The following PCDH15 variants were observed in gnomAD, a reference collection of about 807,000 sequenced individuals.
PCDH15 encodes protocadherin related 15, also known as protocadherin-15.
A neutral mutation model predicts 178.5 loss-of-function variants in PCDH15; 129 were observed. The ratio of observed to expected loss-of-function variants is 0.72; its 90% CI spans 0.63 to 0.84. The LOEUF is 0.84. Ranked by LOEUF, PCDH15 falls within the 40% of genes least tolerant of loss-of-function variation. The pLI is 0.00. For synonymous variants in PCDH15, 800 were observed against 732.0 expected (o/e 1.09, Z -1.50); for missense variants, 2,230 against 2,099.9 (o/e 1.06, Z -1.21).
At chr10:53,873,888 G>A (rs554946050) in intron 26 of PCDH15, among the ~76,000 whole-genome samples, 46 of 152,184 alleles carry the variant, frequency 3.0e-4, no homozygotes, top group African/African-American at 1.1e-3. Context: ...CCTTTGTTCC[G>A]TTTTGCCATG....
At chr10:55,289,363 G>C (rs1842952627) in intron 1 of PCDH15, among the ~76,000 whole-genome samples, 1 of 150,950 alleles carries the variant, frequency 6.6e-6, no homozygotes, top group Non-Finnish European at 1.5e-5. Flanking sequence ...AAGAAGGCAG[G>C]AAGGGAAAAA....
In PCDH15 at chr10:54,171,530, G is replaced by A. The variant is rs577968532; in HGVS notation, c.1590+11914C>T. Among the ~76,000 whole-genome samples, 393 of 142,108 alleles carry A rather than the reference G, an allele frequency of 2.8e-3. 2 individuals carry two copies. The highest frequency in any genetic ancestry group is 0.011 in the Middle Eastern group (3 of 278). 93.2% of individuals were successfully genotyped at this position (142,108 alleles called of 152,430 possible). The stretch of plus-strand genomic sequence containing the variant: ...CTGTCTAGTCATACTCCTATTCACC[G>A]TTCTCAACTACTCGTACATGCCCTG... On this transcript the variant is annotated intron_variant, in intron 13 of 37. Coordinates refer to ENST00000644397, the MANE Select transcript of PCDH15 (RefSeq NM_001384140.1).
intron 1 of PCDH15, among the ~76,000 whole-genome samples, chr10:54,767,911 A>T (rs886931891): frequency 6.6e-6 from 1 of 152,170 alleles, no homozygotes; most frequent in Non-Finnish European, 1.5e-5. Context: ...AGAAGACATT[A>T]CATAAAAACT....
intron 2 of PCDH15, among the ~76,000 whole-genome samples, chr10:55,098,002 A>G (rs1842485682): frequency 6.6e-6 from 1 of 152,150 alleles, no homozygotes; most frequent in Admixed American, 6.6e-5. Context: ...CCAAAAAAGA[A>G]AAGAGGCATT....
At chr10:54,066,472 T>G (rs2094139088) in intron 18 of PCDH15, among the ~76,000 whole-genome samples, 1 of 152,176 alleles carries the variant, frequency 6.6e-6, no homozygotes, top group Non-Finnish European at 1.5e-5. Flanking sequence ...TAATTACATG[T>G]TTCTGTAAAA....
At chr10:55,087,112 A>C (rs1336380948) in intron 2 of PCDH15, among the ~76,000 whole-genome samples, 3 of 152,148 alleles carry the variant, frequency 2.0e-5, no homozygotes, top group African/African-American at 7.2e-5. Flanking sequence ...AAATTACTTG[A>C]GTGCTAATCT....
chr10:54,995,391 CAAAAAA>C, intron 2 of PCDH15, among the ~76,000 whole-genome samples: 1 of 125,752 alleles, frequency 8.0e-6, no homozygotes, highest in Admixed American at 8.2e-5. Flanking sequence ...GACTCCGTCT[CAAAAAA>C]AAAAAAAAAG....
At chr10:54,755,867 T>C (rs1947008679) in intron 1 of PCDH15, among the ~76,000 whole-genome samples, 1 of 152,164 alleles carries the variant, frequency 6.6e-6, no homozygotes, top group Admixed American at 6.6e-5. Flanking sequence ...AAAGTTCTTA[T>C]TACAGTGCGT....
At chr10:54,156,802 A>G (rs2045199578) in intron 13 of PCDH15, among the ~76,000 whole-genome samples, 1 of 152,212 alleles carries the variant, frequency 6.6e-6, no homozygotes, top group African/African-American at 2.4e-5. Flanking sequence ...CTTCCTACAT[A>G]CAATGGAGAT....
intron 1 of PCDH15, among the ~76,000 whole-genome samples, chr10:55,300,864 T>C (rs890918671): frequency 6.6e-6 from 1 of 152,144 alleles, no homozygotes; most frequent in African/African-American, 2.4e-5. Context: ...TATTGCACAA[T>C]TTTAGAACAA....
intron 2 of PCDH15, among the ~76,000 whole-genome samples, chr10:55,435,400 C>T (rs1223359024): frequency 6.6e-6 from 1 of 152,050 alleles, no homozygotes; most frequent in Admixed American, 6.6e-5. Context: ...TTAAAATTAG[C>T]AAATAGTTAA....
chr10:55,432,791 A>G (rs1453614440), intron 2 of PCDH15, among the ~76,000 whole-genome samples: 1 of 151,272 alleles, frequency 6.6e-6, no homozygotes, highest in South Asian at 2.1e-4. Context: ...ATATATATAT[A>G]TATATTTTAT....
intron 2 of PCDH15, among the ~76,000 whole-genome samples, chr10:54,950,376 C>T (rs114169776): frequency 0.17 from 25,557 of 151,852 alleles, 2,422 homozygotes; most frequent in East Asian, 0.24. Context: ...ATGATTCAGT[C>T]ATGGGGGTGG....
intron 2 of PCDH15, among the ~76,000 whole-genome samples, chr10:55,377,965 C>T (rs1335967562): frequency 1.3e-5 from 2 of 152,022 alleles, no homozygotes; most frequent in African/African-American, 4.8e-5. Flanking sequence ...GAACAGAAAA[C>T]CAAACACCGC....
intron 2 of PCDH15, among the ~76,000 whole-genome samples, chr10:54,538,492 T>C (rs2084825713): frequency 6.6e-6 from 1 of 152,194 alleles, no homozygotes; most frequent in Non-Finnish European, 1.5e-5. Context: ...ACCAATAACA[T>C]GTTTTGTTAC....
At chr10:54,919,143 T>C (rs1047250232) in intron 2 of PCDH15, among the ~76,000 whole-genome samples, 2 of 152,220 alleles carry the variant, frequency 1.3e-5, no homozygotes, top group Non-Finnish European at 2.9e-5. Flanking sequence ...TAATCGTTTG[T>C]TGTCTTTTAC....
intron 2 of PCDH15, among the ~76,000 whole-genome samples, chr10:55,422,044 C>G (rs942543489): frequency 1.3e-5 from 2 of 151,600 alleles, no homozygotes; most frequent in Non-Finnish European, 3.0e-5. Context: ...TTTAGCCCAA[C>G]CTTCAGCATT....
At chr10:54,796,258 C>CTATCTATCTATG (rs1951968950) in intron 1 of PCDH15, among the ~76,000 whole-genome samples, 1 of 107,452 alleles carries the variant, frequency 9.3e-6, no homozygotes, top group African/African-American at 4.1e-5. Flanking sequence ...ATCTATCTAT[C>CTATCTATCTATG]TATCTATCTA....
In PCDH15 at chr10:53,855,920, A is replaced by ATATATATATATATATGTGTGTGTG. The variant is rs1201156130; in HGVS notation, c.3806+1254_3806+1255insCACACACACATATATATATATATA. ...AGGTGATATGTATATATATATATAT[A>ATATATATATATATATGTGTGTGTG]TGTATGTGTGTGTGTGTAATGAAAT... On this transcript the variant is annotated intron_variant, in intron 28 of 37. Transcript: ENST00000644397. Among the ~76,000 whole-genome samples the ATATATATATATATATGTGTGTGTG allele has an allele frequency of 5.0e-5, 7 of 140,410 alleles. No homozygotes were observed. The South Asian group carries it at 1.7e-3, about 34-fold the overall frequency. 92.1% of individuals were successfully genotyped at this position (140,410 alleles called of 152,430 possible). A position where few individuals can be genotyped will look rare whatever the true frequency, so the allele number is the denominator to read the frequency against.
Sources: allele counts gnomAD v4.1 joint callset (sites outside exome capture counted in the v4.1 genomes callset), GRCh38; gene constraint gnomAD v4.1.1; transcripts MANE v1.5; gene names NCBI Gene and HGNC (gene_info 2026-07-23, HGNC 2026-07-21).